ARHGAP15: variants seen among roughly 807,000 people sequenced by gnomAD.
ARHGAP15 encodes rho GTPase-activating protein 15.
In ARHGAP15, 51 loss-of-function variants were observed where a neutral mutation model predicts 63.7. That is an observed-to-expected ratio of 0.80 (90% CI 0.64 to 1.01). The LOEUF is 1.01. Among genes scored for constraint, ARHGAP15 ranks in the 50% least tolerant of loss-of-function variants. The probability of loss-of-function intolerance (pLI) is 0.00; values close to 1 mark genes in which losing one functional copy is unlikely to be tolerated. For synonymous variants in ARHGAP15, 191 were observed against 193.8 expected (o/e 0.99, Z 0.12); for missense variants, 560 against 564.6 (o/e 0.99, Z 0.08).
At chr2:143,504,247 T>C (rs1033420730) in intron 9 of ARHGAP15, among the ~76,000 whole-genome samples, 3 of 152,246 alleles carry the variant, frequency 2.0e-5, no homozygotes, top group African/African-American at 7.2e-5. Flanking sequence ...GTTATTCATT[T>C]AATATTTTTT....
At chr2:143,301,690 T>C (rs1682904530) in intron 6 of ARHGAP15, among the ~76,000 whole-genome samples, 1 of 151,936 alleles carries the variant, frequency 6.6e-6, no homozygotes. Context: ...TAAATATGTA[T>C]ACAAAATTTG....
intron 6 of ARHGAP15, among the ~76,000 whole-genome samples, chr2:143,325,326 A>T (rs1006924139): frequency 1.3e-5 from 2 of 152,100 alleles, no homozygotes; most frequent in Non-Finnish European, 2.9e-5. Context: ...TTCCAGCAAA[A>T]TTTTATTTAC....
At chr2:143,528,740 T>G (rs1478761775) in intron 10 of ARHGAP15, among the ~76,000 whole-genome samples, 1 of 152,152 alleles carries the variant, frequency 6.6e-6, no homozygotes, top group Non-Finnish European at 1.5e-5. Flanking sequence ...ACTAACTCTT[T>G]AGTCTCCCTA....
intron 11 of ARHGAP15, among the ~76,000 whole-genome samples, chr2:143,612,450 TG>T (rs1416370948): frequency 6.6e-6 from 1 of 152,230 alleles, no homozygotes; most frequent in African/African-American, 2.4e-5. Flanking sequence ...CTGATATAGC[TG>T]GTTCTGGGAC....
At chr2:143,636,799 A>T (rs997653577) in intron 12 of ARHGAP15, among the ~76,000 whole-genome samples, 1 of 152,088 alleles carries the variant, frequency 6.6e-6, no homozygotes, top group African/African-American at 2.4e-5. Flanking sequence ...TAAGGTTTGG[A>T]AATTGTCTCA....
At chr2:143,309,958 G>T (rs578184443) in intron 6 of ARHGAP15, among the ~76,000 whole-genome samples, 2 of 151,530 alleles carry the variant, frequency 1.3e-5, no homozygotes, top group Non-Finnish European at 2.9e-5. Flanking sequence ...ATTGTACTTT[G>T]AATATGCGAG....
chr2:143,221,773 G>A (rs948793554), intron 4 of ARHGAP15, among the ~76,000 whole-genome samples: 1 of 152,098 alleles, frequency 6.6e-6, no homozygotes, highest in African/African-American at 2.4e-5. Context: ...TCCTTAGATG[G>A]ACATAGAAAG....
intron 8 of ARHGAP15, among the ~76,000 whole-genome samples, chr2:143,479,801 T>A (rs943847247): frequency 6.6e-6 from 1 of 152,060 alleles, no homozygotes; most frequent in Non-Finnish European, 1.5e-5. Flanking sequence ...ACAAGATAGG[T>A]TTTGCTGTTT....
intron 12 of ARHGAP15, among the ~76,000 whole-genome samples, chr2:143,645,116 C>A (rs1680806754): frequency 1.3e-5 from 2 of 152,018 alleles, no homozygotes; most frequent in Non-Finnish European, 2.9e-5. Context: ...AAGAAATAAT[C>A]AAAAATGGTT....
At chr2:143,397,792 C>T (rs2104987775) in intron 6 of ARHGAP15, among the ~76,000 whole-genome samples, 1 of 152,212 alleles carries the variant, frequency 6.6e-6, no homozygotes, top group African/African-American at 2.4e-5. Context: ...ACATGCAGGT[C>T]TATCTCACAA....
At chr2:143,358,652 A>G (rs1415022225) in intron 6 of ARHGAP15, among the ~76,000 whole-genome samples, 1 of 151,232 alleles carries the variant, frequency 6.6e-6, no homozygotes, top group Admixed American at 6.6e-5. Flanking sequence ...TGGATGAAAT[A>G]TTTTCCTTCT....
intron 6 of ARHGAP15, among the ~76,000 whole-genome samples, chr2:143,329,311 T>G (rs1173505927): frequency 1.3e-5 from 2 of 152,242 alleles, no homozygotes; most frequent in Non-Finnish European, 2.9e-5. Context: ...TGAGTGGGCC[T>G]CATTTCATCA....
chr2:143,245,921 T>C (rs1190468520), intron 5 of ARHGAP15, among the ~76,000 whole-genome samples: 1 of 152,120 alleles, frequency 6.6e-6, no homozygotes, highest in Non-Finnish European at 1.5e-5. Context: ...GGGAGTTTAT[T>C]AGACAGATGG....
intron 6 of ARHGAP15, among the ~76,000 whole-genome samples, chr2:143,319,693 C>T (rs1574267631): frequency 6.6e-6 from 1 of 152,048 alleles, no homozygotes; most frequent in African/African-American, 2.4e-5. Context: ...TCTCTTTGCC[C>T]ATTTTGTCTG....
intron 13 of ARHGAP15, among the ~76,000 whole-genome samples, chr2:143,757,695 A>AAAGT (rs1686628634): frequency 6.6e-6 from 1 of 152,122 alleles, no homozygotes; most frequent in Non-Finnish European, 1.5e-5. Context: ...TTCCAGAAAA[A>AAAGT]AAGTAAATTC....
At position 143,726,975 on chromosome 2, in the gene ARHGAP15, A is replaced by T. The variant is rs1333807437; in HGVS notation, c.1244+23451A>T. ...ATAGATATATAAATCTCAGCTTGGGATCCACAGACACAGAGCAGTGATCTA... is the reference window on the plus strand; with the variant it reads ...ATAGATATATAAATCTCAGCTTGGGTTCCACAGACACAGAGCAGTGATCTA... On this transcript the variant is annotated intron_variant, in intron 13 of 13. Transcript: ENST00000295095. Among the ~76,000 whole-genome samples, 4 of 152,200 alleles carry T rather than the reference A, an allele frequency of 2.6e-5. No homozygotes were observed. In the East Asian group the frequency reaches 5.8e-4, roughly 22 times the overall value.
rs530176577 is a variant in ARHGAP15 at position 143,166,514 on chromosome 2, C to T, written c.165+10859C>T. On this transcript the variant is annotated intron_variant, in intron 2 of 13. Coordinates refer to ENST00000295095, the MANE Select transcript of ARHGAP15 (RefSeq NM_018460.4). ...TCTCTGTCCTCTAGGAGGTTACATT[C>T]AAGTGAGGTAGAATCTTTACCTGGA... is the stretch of plus-strand genomic sequence containing the variant. Among the ~76,000 whole-genome samples the T allele has an allele frequency of 5.9e-5, 9 of 152,214 alleles. No individual in the cohort carries two copies. In the South Asian group the frequency reaches 1.9e-3, roughly 32 times the overall value.
chr2:143,196,568 C>A (rs1574077382), intron 2 of ARHGAP15, among the ~76,000 whole-genome samples: 1 of 151,986 alleles, frequency 6.6e-6, no homozygotes, highest in Non-Finnish European at 1.5e-5. Flanking sequence ...ATAAACAGAT[C>A]AGAGAAACAG....
intron 12 of ARHGAP15, among the ~76,000 whole-genome samples, chr2:143,701,291 C>T (rs981047902): frequency 6.6e-6 from 1 of 152,204 alleles, no homozygotes; most frequent in African/African-American, 2.4e-5. Context: ...TCTAAACTAA[C>T]TCTTTCTTAT....
Sources: allele counts gnomAD v4.1 joint callset (sites outside exome capture counted in the v4.1 genomes callset), GRCh38; gene constraint gnomAD v4.1.1; transcripts MANE v1.5; gene names NCBI Gene and HGNC (gene_info 2026-07-23, HGNC 2026-07-21).